Variants in PIK3R3 observed in about 807,000 individuals in gnomAD.
PIK3R3 encodes the protein phosphatidylinositol 3-kinase regulatory subunit gamma.
PIK3R3 carries 64 observed loss-of-function variants against 62.9 expected under a neutral mutation model. That is an observed-to-expected ratio of 1.02 (90% CI 0.83 to 1.25). PIK3R3 has a LOEUF of 1.25. Ranked by LOEUF, PIK3R3 falls within the 50% of genes most tolerant of loss-of-function variation. The pLI, the probability that PIK3R3 is intolerant of heterozygous loss-of-function variation, is 0.00. For synonymous variants in PIK3R3, 165 were observed against 189.0 expected (o/e 0.87, Z 1.04); for missense variants, 614 against 561.6 (o/e 1.09, Z -0.94).
chr1:46,067,204 T>C (rs775589821), intron 3 of PIK3R3, 113 bp from the exon 4 acceptor site: 47 of 662,652 alleles, frequency 7.1e-5, no homozygotes, highest in South Asian at 3.7e-4. Context: ...AGTTTTACTA[T>C]GTTAATGAGG....
chr1:46,129,845 A>T (rs1432547463), intron 1 of PIK3R3, among the ~76,000 whole-genome samples: 1 of 152,252 alleles, frequency 6.6e-6, no homozygotes, highest in Admixed American at 6.5e-5. Context: ...TTAAAGCTAC[A>T]AAAGGGGTAA....
At chr1:46,149,421 CA>C in the PIK3R3 span, among the ~76,000 whole-genome samples, 5,225 of 52,078 alleles carry the variant, frequency 0.1, 39 homozygotes, top group African/African-American at 0.14. Context: ...GACTCTGTCT[CA>C]AAAAAAAAAA....
chr1:46,129,652 G>A (rs1377599081), intron 1 of PIK3R3, among the ~76,000 whole-genome samples: 3 of 152,094 alleles, frequency 2.0e-5, no homozygotes, highest in Non-Finnish European at 4.4e-5. Flanking sequence ...TACAAAACAT[G>A]CTGCAACCAC....
At chr1:46,162,854 C>T in the PIK3R3 span, among the ~76,000 whole-genome samples, 3 of 152,172 alleles carry the variant, frequency 2.0e-5, no homozygotes, top group African/African-American at 7.2e-5. Context: ...AACTCTTGAC[C>T]TCAAGTGATC....
intron 3 of PIK3R3, among the ~76,000 whole-genome samples, chr1:46,074,920 G>T (rs980498930): frequency 3.3e-5 from 5 of 152,116 alleles, no homozygotes; most frequent in African/African-American, 1.2e-4. Context: ...GTTTGATTTT[G>T]TGCAATTTCA....
intron 7 of PIK3R3, among the ~76,000 whole-genome samples, chr1:46,054,777 T>C (rs946060345): frequency 7.2e-5 from 11 of 152,248 alleles, no homozygotes; most frequent in African/African-American, 2.4e-4. Flanking sequence ...TTGTATATTA[T>C]CTCTATTATG....
intron 1 of PIK3R3, among the ~76,000 whole-genome samples, chr1:46,107,108 C>T (rs959010973): frequency 6.6e-6 from 1 of 152,134 alleles, no homozygotes; most frequent in Non-Finnish European, 1.5e-5. Context: ...GTAATCTCAA[C>T]ACTTTGGGAG....
At chr1:46,131,453 G>C (rs1655576241) in intron 1 of PIK3R3, among the ~76,000 whole-genome samples, 1 of 152,186 alleles carries the variant, frequency 6.6e-6, no homozygotes, top group African/African-American at 2.4e-5. Context: ...CAAAGTGAAA[G>C]ACTGGTTTTA....
chr1:46,115,432 G>A (rs1654102271), intron 1 of PIK3R3, among the ~76,000 whole-genome samples: 1 of 152,148 alleles, frequency 6.6e-6, no homozygotes, highest in Admixed American at 6.6e-5. Flanking sequence ...AGCCTAGTCA[G>A]CATCCTCTCT....
intron 7 of PIK3R3, among the ~76,000 whole-genome samples, chr1:46,053,605 T>C (rs1171360884): frequency 6.6e-6 from 1 of 152,136 alleles, no homozygotes; most frequent in East Asian, 1.9e-4. Flanking sequence ...GTGCCATCTA[T>C]GAACCAGAAA....
chr1:46,165,276 A>G, the PIK3R3 span, among the ~76,000 whole-genome samples: 1 of 150,084 alleles, frequency 6.7e-6, no homozygotes, highest in Non-Finnish European at 1.5e-5. Context: ...CAACCCTCAC[A>G]ACACCTAGGT....
At chr1:46,088,745 A>C (rs1272837385) in intron 1 of PIK3R3, among the ~76,000 whole-genome samples, 1 of 152,168 alleles carries the variant, frequency 6.6e-6, no homozygotes, top group Non-Finnish European at 1.5e-5. Flanking sequence ...GAACTGAAGG[A>C]CACACATTTC....
chr1:46,110,832 C>T (rs1479003487), intron 1 of PIK3R3, among the ~76,000 whole-genome samples: 3 of 148,400 alleles, frequency 2.0e-5, no homozygotes, highest in Non-Finnish European at 3.0e-5. Flanking sequence ...TGAAAAAAAG[C>T]GGAGGGGGGA....
upstream of PIK3R3, among the ~76,000 whole-genome samples, chr1:46,137,242 A>T (rs1655963888): frequency 6.6e-6 from 1 of 152,216 alleles, no homozygotes; most frequent in African/African-American, 2.4e-5. Context: ...CAAACACTGA[A>T]GATACAAAAG....
At chr1:46,071,757 A>AGAGAGAGAGAGAGAGAGAGAGAGAGC (rs1230737377) in intron 3 of PIK3R3, among the ~76,000 whole-genome samples, 1 of 128,260 alleles carries the variant, frequency 7.8e-6, no homozygotes, top group African/African-American at 3.0e-5. Flanking sequence ...AGAGAGAGAG[A>AGAGAGAGAGAGAGAGAGAGAGAGAGC]GAGCGCGCGC....
rs11316852 is a variant in PIK3R3 at position 46,044,080 on chromosome 1, CTTTTTTTT to C, written c.1188-217_1188-210del. The stretch of plus-strand genomic sequence containing the variant: ...CACAAATGTAAGGGTTTATTTATTT[CTTTTTTTT>C]TTTTTTAGACAGGGTCTCGCTCTAT... On this transcript the variant is annotated intron_variant, in intron 9 of 9. Coordinates refer to ENST00000262741, the MANE Select transcript of PIK3R3 (RefSeq NM_003629.4). The surrounding 1 kb of genome is among the most constrained non-coding windows in gnomAD (Gnocchi z 4.2). Among the ~76,000 whole-genome samples the C allele has an allele frequency of 6.9e-6, 1 of 145,346 alleles. No homozygotes were observed. The highest frequency in any genetic ancestry group is 1.5e-5 in the Non-Finnish European group (1 of 65,946).
the PIK3R3 span, among the ~76,000 whole-genome samples, chr1:46,157,561 T>C: frequency 6.6e-6 from 1 of 152,166 alleles, no homozygotes; most frequent in Non-Finnish European, 1.5e-5. Context: ...AAAACAGCCT[T>C]TTGGAATGAT....
intron 1 of PIK3R3, among the ~76,000 whole-genome samples, chr1:46,097,138 G>C (rs1652213081): frequency 1.3e-5 from 2 of 152,116 alleles, no homozygotes; most frequent in Non-Finnish European, 2.9e-5. Context: ...TTCCAGGAAT[G>C]CAAGATTGGC....
At chr1:46,078,025 TTCA>T (rs1367475697) in intron 2 of PIK3R3, among the ~76,000 whole-genome samples, 1 of 152,136 alleles carries the variant, frequency 6.6e-6, no homozygotes, top group African/African-American at 2.4e-5. Context: ...ATTCACTAAG[TTCA>T]TAACCTTTCA....
Sources: allele counts gnomAD v4.1 joint callset (sites outside exome capture counted in the v4.1 genomes callset), GRCh38; gene constraint gnomAD v4.1.1; non-coding constraint Gnocchi (gnomAD v3.1); transcripts MANE v1.5; gene names NCBI Gene and HGNC (gene_info 2026-07-23, HGNC 2026-07-21).